Variants in SYNDIG1 observed in about 807,000 individuals in gnomAD.
SYNDIG1 encodes synapse differentiation inducing 1, also known as synapse differentiation-inducing gene protein 1.
In SYNDIG1, 9 loss-of-function variants were observed where a neutral mutation model predicts 19.4. That is an observed-to-expected ratio of 0.46 (90% confidence interval 0.28 to 0.81). The LOEUF (loss-of-function observed/expected upper bound fraction) is 0.81. Among genes scored for constraint, SYNDIG1 ranks in the 30% least tolerant of loss-of-function variants. The pLI, the probability that SYNDIG1 is intolerant of heterozygous loss-of-function variation, is 0.12. For missense variants in SYNDIG1, 311 were observed against 343.3 expected (o/e 0.91, Z 0.74); for synonymous variants, 141 against 145.9 (o/e 0.97, Z 0.24).
intron 2 of SYNDIG1, among the ~76,000 whole-genome samples, chr20:24,573,298 G>C (rs2058174689): frequency 6.6e-6 from 1 of 152,170 alleles, no homozygotes; most frequent in Admixed American, 6.5e-5. Context: ...CAGTCACGTA[G>C]ATTGATGTGG....
chr20:24,636,038 C>G lies in SYNDIG1; in HGVS notation c.619-29308C>G, dbSNP rs1184180016. On this transcript the variant is annotated intron_variant, in intron 3 of 3. Coordinates refer to ENST00000376862, the MANE Select transcript of SYNDIG1 (RefSeq NM_024893.3). ...CAATGACTGTCGTTGACCCAGCTGT[C>G]TTTCCAACACTGCTTGTTCACTGTT... 4.6e-5 allele frequency among the ~76,000 whole-genome samples: 7 copies of G among 152,340 alleles called. No individual in the cohort carries two copies. In the South Asian group the frequency reaches 1.4e-3, roughly 32 times the overall value.
chr20:24,579,461 A>G (rs536680348), intron 2 of SYNDIG1, among the ~76,000 whole-genome samples: 2 of 152,320 alleles, frequency 1.3e-5, no homozygotes, highest in South Asian at 2.1e-4. Flanking sequence ...CTGTTGCCCT[A>G]TGAAATATAA....
At chr20:24,626,834 GA>G (rs1201754549) in intron 3 of SYNDIG1, among the ~76,000 whole-genome samples, 2 of 152,242 alleles carry the variant, frequency 1.3e-5, no homozygotes, top group Non-Finnish European at 2.9e-5. Flanking sequence ...GGCACCTCGG[GA>G]GGCCGAGGCT....
intron 1 of SYNDIG1, among the ~76,000 whole-genome samples, chr20:24,518,752 TG>T (rs1489647568): frequency 6.6e-6 from 1 of 152,192 alleles, no homozygotes; most frequent in African/African-American, 2.4e-5. Flanking sequence ...ATTCACCACT[TG>T]AGCATACCTC....
intron 3 of SYNDIG1, among the ~76,000 whole-genome samples, chr20:24,585,532 C>T (rs1033278993): frequency 2.0e-5 from 3 of 152,196 alleles, no homozygotes; most frequent in African/African-American, 7.2e-5. Flanking sequence ...TGACATCTGC[C>T]ATTCCTCCCC....
At chr20:24,636,081 G>A (rs1165637262) in intron 3 of SYNDIG1, among the ~76,000 whole-genome samples, 2 of 152,146 alleles carry the variant, frequency 1.3e-5, no homozygotes, top group African/African-American at 2.4e-5. Context: ...CTTTGGGGGG[G>A]CTCTATGAAC....
At chr20:24,600,399 C>T (rs547414848) in intron 3 of SYNDIG1, among the ~76,000 whole-genome samples, 1 of 152,112 alleles carries the variant, frequency 6.6e-6, no homozygotes, top group Non-Finnish European at 1.5e-5. Context: ...GTGGCCAAGT[C>T]ACCATCACCC....
At chr20:24,509,314 A>G (rs1280266752) in intron 1 of SYNDIG1, among the ~76,000 whole-genome samples, 1 of 152,110 alleles carries the variant, frequency 6.6e-6, no homozygotes, top group Non-Finnish European at 1.5e-5. Flanking sequence ...CTTATATTTT[A>G]TTTCTATCAT....
At chr20:24,660,927 C>G (rs1028164673) in intron 3 of SYNDIG1, among the ~76,000 whole-genome samples, 1 of 152,248 alleles carries the variant, frequency 6.6e-6, no homozygotes. Flanking sequence ...CTTTCAGAGT[C>G]TCCAGGTAGG....
At chr20:24,607,919 A>G (rs577181497) in intron 3 of SYNDIG1, among the ~76,000 whole-genome samples, 5 of 152,352 alleles carry the variant, frequency 3.3e-5, no homozygotes, top group African/African-American at 1.2e-4. Context: ...ATTTACTTCA[A>G]GTATATTTAA....
At chr20:24,512,367 G>T (rs568724213) in intron 1 of SYNDIG1, among the ~76,000 whole-genome samples, 3 of 151,552 alleles carry the variant, frequency 2.0e-5, no homozygotes, top group African/African-American at 7.3e-5. Context: ...AAGCACAGGG[G>T]GTCAGGGAAT....
chr20:24,527,325 A>G (rs1402669357), intron 1 of SYNDIG1, among the ~76,000 whole-genome samples: 2 of 151,780 alleles, frequency 1.3e-5, no homozygotes, highest in African/African-American at 4.8e-5. Flanking sequence ...CAACAAAAAT[A>G]TTTTTTGCTT....
chr20:24,580,706 C>A (rs1039672239), intron 2 of SYNDIG1, among the ~76,000 whole-genome samples: 2 of 152,084 alleles, frequency 1.3e-5, no homozygotes, highest in African/African-American at 4.8e-5. Context: ...ACCATGCCCA[C>A]CCCTCAGTTT....
chr20:24,486,848 CG>C (rs1568575304), intron 1 of SYNDIG1, among the ~76,000 whole-genome samples: 1 of 151,874 alleles, frequency 6.6e-6, no homozygotes, highest in African/African-American at 2.4e-5. Flanking sequence ...TAGTAGAGAC[CG>C]GGTTTCACCA....
chr20:24,580,935 G>C (rs759944301), intron 2 of SYNDIG1, among the ~76,000 whole-genome samples: 17 of 152,184 alleles, frequency 1.1e-4, no homozygotes, highest in Non-Finnish European at 1.0e-4. Context: ...CGTGGTCCGG[G>C]TCAACGGTTC....
intron 3 of SYNDIG1, among the ~76,000 whole-genome samples, chr20:24,629,916 C>T (rs949724107): frequency 2.0e-5 from 3 of 152,180 alleles, no homozygotes; most frequent in Admixed American, 2.0e-4. Flanking sequence ...GTCTCTGCCT[C>T]CTGCTGCCAA....
At chr20:24,588,849 G>A (rs578228272) in intron 3 of SYNDIG1, among the ~76,000 whole-genome samples, 3 of 152,076 alleles carry the variant, frequency 2.0e-5, no homozygotes, top group African/African-American at 7.2e-5. Context: ...GTGAGATTGA[G>A]AGATGTGCCT....
At chr20:24,594,924 A>G (rs1043383259) in intron 3 of SYNDIG1, among the ~76,000 whole-genome samples, 7 of 152,282 alleles carry the variant, frequency 4.6e-5, no homozygotes, top group South Asian at 2.1e-4. Context: ...GGTAGAGACT[A>G]TGGGTTTTTC....
intron 3 of SYNDIG1, among the ~76,000 whole-genome samples, chr20:24,607,651 G>A (rs923433444): frequency 6.6e-6 from 1 of 152,186 alleles, no homozygotes; most frequent in Non-Finnish European, 1.5e-5. Context: ...TTCAAGGGCC[G>A]AAATTCACAG....
Sources: gnomAD v4.1 joint callset for allele counts (sites outside exome capture counted in the v4.1 genomes callset) on GRCh38, gnomAD v4.1.1 for gene constraint, MANE v1.5 for transcripts, NCBI Gene and HGNC (gene_info 2026-07-23, HGNC 2026-07-21) for gene names.